Variants in TDO2 observed in about 807,000 individuals in gnomAD.
The protein encoded by TDO2 is tryptophan 2,3-dioxygenase, also known as tryptamin 2,3-dioxygenase.
A neutral mutation model predicts 61.2 loss-of-function variants in TDO2; 63 were observed. That is an observed-to-expected ratio of 1.03 (90% CI 0.84 to 1.27). The LOEUF (loss-of-function observed/expected upper bound fraction) is 1.27. Ranked by LOEUF, TDO2 falls within the 50% of genes most tolerant of loss-of-function variation. The pLI is 0.00. For synonymous variants in TDO2, 183 were observed against 164.0 expected (o/e 1.12, Z -0.89); for missense variants, 494 against 469.5 (o/e 1.05, Z -0.48).
chr4:155,919,070 G>C (rs886183317), intron 11 of TDO2, among the ~76,000 whole-genome samples: 4 of 152,168 alleles, frequency 2.6e-5, no homozygotes, highest in Admixed American at 2.6e-4. Context: ...TATACCAAAT[G>C]AGCACACACA....
At chr4:155,911,041 T>G (rs1410379513) in intron 6 of TDO2, among the ~76,000 whole-genome samples, 1 of 152,102 alleles carries the variant, frequency 6.6e-6, no homozygotes, top group Non-Finnish European at 1.5e-5. Flanking sequence ...TCAAAGTTGC[T>G]AAGTATACAG....
intron 10 of TDO2, 133 bp downstream of exon 10, chr4:155,917,607 A>G: frequency 1.5e-6 from 1 of 661,084 alleles, no homozygotes. Flanking sequence ...ATTCTTTTAT[A>G]CAAATCAGCT....
intron 4 of TDO2, among the ~76,000 whole-genome samples, 183 bp downstream of exon 4, chr4:155,907,975 A>G (rs1453923896): frequency 1.3e-5 from 2 of 152,206 alleles, no homozygotes; most frequent in African/African-American, 4.8e-5. Flanking sequence ...TTGAAATTAC[A>G]TGTGACTTTA....
intron 3 of TDO2, chr4:155,905,873 G>C (rs535425613): frequency 6.6e-6 from 1 of 152,178 alleles, no homozygotes; most frequent in Admixed American, 6.5e-5. Flanking sequence ...TCCTCAAATG[G>C]ATGCTTTCCA....
rs1405578575 is a variant in TDO2, at chr4:155,910,178, T to TGAGCAG, written c.588_593dup (p.Gln197_Glu198dup). On this transcript the variant is annotated inframe_insertion, in exon 6 of 12. Coordinates refer to ENST00000536354, the MANE Select transcript of TDO2 (RefSeq NM_005651.4). ...AAGAAAATGAACTGCTACTTAAATC[T>TGAGCAG]GAGCAGGAAAAGACACTTCTGGAAT... 1.3e-6 allele frequency: 2 copies of TGAGCAG among 1,588,602 alleles called. No individual in the cohort carries two copies. Among genetic ancestry groups the TGAGCAG allele is most frequent in the African/African-American group, 2.7e-5 (2 of 73,058 alleles).
rs187136652 is a variant in TDO2, at chr4:155,910,670, A to C, written c.618+459A>C. Among the ~76,000 whole-genome samples, 12 of 152,264 alleles carry C rather than the reference A, an allele frequency of 7.9e-5. No individual in the cohort carries two copies. In the East Asian group the frequency reaches 2.3e-3, roughly 29 times the overall value. On this transcript the variant is annotated intron_variant, in intron 6 of 11. Coordinates refer to ENST00000536354, the MANE Select transcript of TDO2 (RefSeq NM_005651.4). ...TTCCCTTCATATCCAAATTCCCTAA[A>C]GGTCTGTAAGTAGCCTTTAGGAATT...
At chr4:155,911,068 A>C (rs1281621503) in intron 6 of TDO2, among the ~76,000 whole-genome samples, 1 of 152,078 alleles carries the variant, frequency 6.6e-6, no homozygotes, top group Non-Finnish European at 1.5e-5. Context: ...TGAATTTAGA[A>C]GAGATCGTAT....
intron 3 of TDO2, chr4:155,906,672 AAAG>A (rs1742724222): frequency 1.3e-5 from 2 of 152,222 alleles, no homozygotes; most frequent in Non-Finnish European, 2.9e-5. Context: ...TTCTAGTGAC[AAAG>A]AATACTATGG....
chr4:155,905,372 T>C, intron 3 of TDO2: 1 of 430,070 alleles, frequency 2.3e-6, no homozygotes, highest in Non-Finnish European at 4.1e-6. Context: ...ATAGGTGAAG[T>C]AGGACTTTAG....
Position 155,904,101 on chromosome 4 carries a change from T to C in TDO2, c.119T>C (p.Leu40Pro), listed in dbSNP as rs751944478. The C allele has an allele frequency of 6.2e-7, 1 of 1,613,898 alleles. No individual in the cohort carries two copies. The highest frequency in any genetic ancestry group is 1.3e-5 in the African/African-American group (1 of 74,906). ...GTGAATAGAGCCAGCAAAGGAGGTC[T>C]TATCTATGGGAACTACCTGCATGTA... ...TGVNRASKGG[L>P]IYGNYLHLEK... The change falls in exon 2 of 12, where the codon CTT becomes CCT. Residue 40 changes from leucine (L) to proline (P), a missense_variant. Transcript: ENST00000536354.
chr4:155,914,904 A>G (rs1462915213), intron 8 of TDO2, among the ~76,000 whole-genome samples: 2 of 152,144 alleles, frequency 1.3e-5, no homozygotes, highest in Non-Finnish European at 2.9e-5. Flanking sequence ...CAGCCATACT[A>G]AGTTTCTTTT....
rs557024615 is a variant in TDO2, at chr4:155,909,166, A to G, written c.431+152A>G. On this transcript the variant is annotated intron_variant, in intron 5 of 11. Transcript: ENST00000536354. ...ACTTAGGGGTCTTCGATCACAAAGCATTTGAGAAGTTATTAAAAATATTTT... is the reference window on the plus strand; with the variant it reads ...ACTTAGGGGTCTTCGATCACAAAGCGTTTGAGAAGTTATTAAAAATATTTT... The G allele has an allele frequency of 2.6e-5, 15 of 577,240 alleles. No individual in the cohort carries two copies. In the East Asian group the frequency reaches 5.1e-4, roughly 20 times the overall value. 35.8% of individuals were successfully genotyped at this position (577,240 alleles called of 1,614,324 possible).
At chr4:155,913,501 A>G (rs1244665917) in intron 7 of TDO2, among the ~76,000 whole-genome samples, 1 of 152,124 alleles carries the variant, frequency 6.6e-6, no homozygotes, top group Non-Finnish European at 1.5e-5. Flanking sequence ...ACTTTAAGTT[A>G]TGACATATAG....
At chr4:155,916,284 CA>C (rs1286262111) in intron 9 of TDO2, among the ~76,000 whole-genome samples, 1 of 145,976 alleles carries the variant, frequency 6.9e-6, no homozygotes, top group Non-Finnish European at 1.5e-5. Flanking sequence ...TCTCCTGCCT[CA>C]GCCTCCCGAG....
chr4:155,908,405 T>C (rs1742758550), intron 4 of TDO2, among the ~76,000 whole-genome samples: 1 of 147,156 alleles, frequency 6.8e-6, no homozygotes, highest in African/African-American at 2.5e-5. Flanking sequence ...TCTGAGCCCC[T>C]GCTCCAAGAA....
chr4:155,918,641 G>A (rs922037033), intron 11 of TDO2, among the ~76,000 whole-genome samples: 3 of 152,112 alleles, frequency 2.0e-5, no homozygotes, highest in Admixed American at 6.6e-5. Flanking sequence ...CTTGTTTTCT[G>A]ATATGGCTAT....
At chr4:155,911,870 T>C (rs913796367) in intron 7 of TDO2, among the ~76,000 whole-genome samples, 1 of 152,154 alleles carries the variant, frequency 6.6e-6, no homozygotes, top group Non-Finnish European at 1.5e-5. Flanking sequence ...CTATTGAAAA[T>C]TCTATATTAG....
At chr4:155,913,928 G>A (rs959203892) in intron 7 of TDO2, among the ~76,000 whole-genome samples, 29 of 151,950 alleles carry the variant, frequency 1.9e-4, no homozygotes, top group African/African-American at 6.8e-4. Context: ...AATTTCAATA[G>A]GTTTAATAGT....
intron 2 of TDO2, 43 bp from the exon 3 acceptor site, chr4:155,905,024 A>G (rs759941257): frequency 7.0e-7 from 1 of 1,418,830 alleles, no homozygotes; most frequent in African/African-American, 1.5e-5. Flanking sequence ...CATAAAAACC[A>G]AGTTCTGCAA....
Sources: gnomAD v4.1 joint callset for allele counts (sites outside exome capture counted in the v4.1 genomes callset) on GRCh38, gnomAD v4.1.1 for gene constraint, MANE v1.5 for transcripts, NCBI Gene and HGNC (gene_info 2026-07-23, HGNC 2026-07-21) for gene names.